SCMH1: variants seen among roughly 807,000 people sequenced by gnomAD.
SCMH1 encodes the protein Scm polycomb group protein homolog 1.
A neutral mutation model predicts 70.8 loss-of-function variants in SCMH1; 37 were observed. That is an observed-to-expected ratio of 0.52 (90% confidence interval 0.40 to 0.69). The LOEUF is 0.69. SCMH1 is among the 30% of genes least tolerant of loss of function. The probability of loss-of-function intolerance (pLI) is 0.00; values close to 1 mark genes in which losing one functional copy is unlikely to be tolerated. For missense variants in SCMH1, 607 were observed against 827.3 expected, an observed-to-expected ratio of 0.73 and a Z score of 3.27; for synonymous variants, 292 against 307.4, an observed-to-expected ratio of 0.95 and a Z score of 0.52.
intron 1 of SCMH1, among the ~76,000 whole-genome samples, chr1:41,236,139 C>T (rs1190899624): frequency 6.6e-6 from 1 of 152,134 alleles, no homozygotes; most frequent in East Asian, 1.9e-4. Context: ...TGTGTATTTT[C>T]ATCTTAATAG....
intron 10 of SCMH1, among the ~76,000 whole-genome samples, chr1:41,058,313 C>G (rs1174029084): frequency 6.7e-6 from 1 of 149,390 alleles, no homozygotes; most frequent in Non-Finnish European, 1.5e-5. Context: ...ATATGAGCCA[C>G]AGACACATCT....
chr1:41,182,557 A>C (rs924063818), intron 2 of SCMH1, among the ~76,000 whole-genome samples: 3 of 152,098 alleles, frequency 2.0e-5, no homozygotes, highest in Non-Finnish European at 4.4e-5. Flanking sequence ...TCTCTACAAA[A>C]AAATTAAAAA....
intron 6 of SCMH1, among the ~76,000 whole-genome samples, chr1:41,130,034 G>C (rs577767940): frequency 2.0e-5 from 3 of 152,080 alleles, no homozygotes; most frequent in Admixed American, 6.6e-5. Context: ...TAATGAATGT[G>C]AAGTGTCATC....
chr1:41,239,119 A>T (rs1662982949), intron 1 of SCMH1, among the ~76,000 whole-genome samples: 2 of 152,106 alleles, frequency 1.3e-5, no homozygotes, highest in Admixed American at 1.3e-4. Context: ...TAAAAATAAA[A>T]AAAAAACACC....
At chr1:41,231,899 G>A (rs1310701919) in intron 1 of SCMH1, among the ~76,000 whole-genome samples, 3 of 151,880 alleles carry the variant, frequency 2.0e-5, no homozygotes, top group African/African-American at 7.3e-5. Context: ...GTAGGCACCT[G>A]TAATCCTAGC....
At chr1:41,226,933 G>C (rs1573233242) in intron 1 of SCMH1, among the ~76,000 whole-genome samples, 1 of 152,124 alleles carries the variant, frequency 6.6e-6, no homozygotes, top group Admixed American at 6.5e-5. Context: ...TAGGCAGAGG[G>C]AACAATCATA....
intron 2 of SCMH1, among the ~76,000 whole-genome samples, chr1:41,162,437 T>G (rs976153323): frequency 1.3e-5 from 2 of 152,148 alleles, no homozygotes; most frequent in African/African-American, 4.8e-5. Flanking sequence ...GAGTGGGGAC[T>G]TGTGGTGCCT....
At chr1:41,045,209 G>C (rs1023523102) in intron 12 of SCMH1, among the ~76,000 whole-genome samples, 2 of 152,152 alleles carry the variant, frequency 1.3e-5, no homozygotes, top group Non-Finnish European at 2.9e-5. Context: ...TTTTCTCAGA[G>C]ACTCTGGTAC....
chr1:41,035,131 ATT>A (rs1191190838), intron 13 of SCMH1, among the ~76,000 whole-genome samples: 1 of 152,138 alleles, frequency 6.6e-6, no homozygotes, highest in Admixed American at 6.5e-5. Flanking sequence ...CACTGTAACC[ATT>A]ATATCACAAA....
At chr1:41,191,332 A>G (rs879763675) in intron 1 of SCMH1, among the ~76,000 whole-genome samples, 23 of 152,274 alleles carry the variant, frequency 1.5e-4, no homozygotes, top group African/African-American at 4.8e-4. Context: ...TATACTACTG[A>G]CAAGTTAAGT....
chr1:41,036,256 C>T (rs1645278348), intron 13 of SCMH1, among the ~76,000 whole-genome samples: 1 of 152,230 alleles, frequency 6.6e-6, no homozygotes, highest in African/African-American at 2.4e-5. Flanking sequence ...ATTGGATCTG[C>T]ATAGCCACTG....
chr1:41,219,980 C>T (rs962658653), intron 1 of SCMH1, among the ~76,000 whole-genome samples: 1 of 151,714 alleles, frequency 6.6e-6, no homozygotes, highest in African/African-American at 2.4e-5. Flanking sequence ...CTTGGTCTTT[C>T]AGATCTTTGA....
At chr1:41,231,377 T>C (rs1661267924) in intron 1 of SCMH1, among the ~76,000 whole-genome samples, 1 of 152,200 alleles carries the variant, frequency 6.6e-6, no homozygotes, top group Non-Finnish European at 1.5e-5. Flanking sequence ...ATTAGAATAA[T>C]TTTATTATAA....
At chr1:41,171,942 A>G (rs538443384) in intron 2 of SCMH1, among the ~76,000 whole-genome samples, 1 of 152,340 alleles carries the variant, frequency 6.6e-6, no homozygotes, top group African/African-American at 2.4e-5. Flanking sequence ...CTGTAATCCC[A>G]GCACTTTGGG....
intron 8 of SCMH1, among the ~76,000 whole-genome samples, chr1:41,102,729 T>C (rs1179619313): frequency 2.6e-5 from 4 of 152,286 alleles, no homozygotes; most frequent in Admixed American, 2.6e-4. Flanking sequence ...GTAGGTAAGA[T>C]GATTCAGGAG....
chr1:41,146,920 C>T (rs1490459379), intron 5 of SCMH1, among the ~76,000 whole-genome samples: 1 of 152,034 alleles, frequency 6.6e-6, no homozygotes, highest in East Asian at 1.9e-4. Context: ...AAATTTTGGT[C>T]AGGCATCTTC....
chr1:41,238,437 T>C (rs113689412), intron 1 of SCMH1, among the ~76,000 whole-genome samples: 1 of 152,146 alleles, frequency 6.6e-6, no homozygotes, highest in Non-Finnish European at 1.5e-5. Context: ...AAAAAAACTA[T>C]TACCTTCTCA....
chr1:41,087,968 T>TGTGTGTGTGTGTGTGTGTG (rs1553238484), intron 8 of SCMH1, among the ~76,000 whole-genome samples: 10 of 18,020 alleles, frequency 5.5e-4, no homozygotes, highest in African/African-American at 3.6e-3. Context: ...GTGTGTGTAT[T>TGTGTGTGTGTGTGTGTGTG]TATTTATGCA....
intron 1 of SCMH1, among the ~76,000 whole-genome samples, chr1:41,235,343 G>A (rs1338250532): frequency 2.0e-5 from 3 of 151,616 alleles, no homozygotes; most frequent in Non-Finnish European, 4.4e-5. Flanking sequence ...TTGGGAGGCC[G>A]AGGCAGATCA....
Sources: allele counts gnomAD v4.1 joint callset (sites outside exome capture counted in the v4.1 genomes callset), GRCh38; gene constraint gnomAD v4.1.1; transcripts MANE v1.5; gene names NCBI Gene and HGNC (gene_info 2026-07-23, HGNC 2026-07-21).